GPC6: variants seen among roughly 807,000 people sequenced by gnomAD.
The protein encoded by GPC6 is glypican-6.
In GPC6, 14 loss-of-function variants were observed where a neutral mutation model predicts 55.2. That is an observed-to-expected ratio of 0.25 (90% confidence interval 0.17 to 0.40). The LOEUF (loss-of-function observed/expected upper bound fraction) is 0.40, where lower values mean the gene tolerates loss of function less well. Among genes scored for constraint, GPC6 ranks in the 10% least tolerant of loss-of-function variants. GPC6 has a pLI of 1.00. For missense variants in GPC6, 641 were observed against 708.5 expected, an observed-to-expected ratio of 0.90 and a Z score of 1.08; for synonymous variants, 278 against 259.6, an observed-to-expected ratio of 1.07 and a Z score of -0.68.
chr13:93,751,483 C>G (rs1594426030), intron 2 of GPC6, among the ~76,000 whole-genome samples: 2 of 150,796 alleles, frequency 1.3e-5, no homozygotes, highest in South Asian at 4.2e-4. Flanking sequence ...GGCTATAAGT[C>G]CTTTTTACTT....
chr13:93,916,448 T>G (rs1300478883), intron 3 of GPC6, among the ~76,000 whole-genome samples: 1 of 152,148 alleles, frequency 6.6e-6, no homozygotes, highest in Admixed American at 6.5e-5. Context: ...CCTTCGGATG[T>G]CTTTCTCAAG....
intron 1 of GPC6, among the ~76,000 whole-genome samples, chr13:93,365,272 G>T (rs967834193): frequency 6.6e-6 from 1 of 151,946 alleles, no homozygotes; most frequent in African/African-American, 2.4e-5. Flanking sequence ...TCTCTTCCTG[G>T]CAGTGGAACT....
chr13:93,531,372 T>C (rs1245907645), intron 1 of GPC6, among the ~76,000 whole-genome samples: 1 of 152,112 alleles, frequency 6.6e-6, no homozygotes, highest in South Asian at 2.1e-4. Flanking sequence ...AAGTCTGAAA[T>C]CTGCAGGGCA....
chr13:93,242,040 G>A (rs151013309), intron 1 of GPC6, among the ~76,000 whole-genome samples: 38 of 152,172 alleles, frequency 2.5e-4, no homozygotes, highest in Non-Finnish European at 1.0e-4. Context: ...GAATGGCAGA[G>A]GTCTCCTGAA....
chr13:93,591,306 A>G (rs888052592), intron 2 of GPC6, among the ~76,000 whole-genome samples: 17 of 152,012 alleles, frequency 1.1e-4, no homozygotes, highest in African/African-American at 4.1e-4. Flanking sequence ...TACTAAAAAT[A>G]CAAAAAAATT....
intron 3 of GPC6, among the ~76,000 whole-genome samples, chr13:93,845,178 G>C (rs1191995873): frequency 6.6e-6 from 1 of 152,012 alleles, no homozygotes; most frequent in Non-Finnish European, 1.5e-5. Context: ...CCAACTCTGT[G>C]AACAGACACT....
Position 94,001,692 on chromosome 13 carries a change from C to G in GPC6, c.712-26037C>G, listed in dbSNP as rs566632263. 1.4e-3 allele frequency among the ~76,000 whole-genome samples: 220 copies of G among 152,234 alleles called. 1 individual carries two copies. Among genetic ancestry groups the G allele is most frequent in the African/African-American group, 5.1e-3 (210 of 41,552 alleles). The stretch of plus-strand genomic sequence containing the variant: ...AATAGATTGGTGAATTCACAAGTAA[C>G]ATGTTACATACGTGAATGAAAATAC... On this transcript the variant is annotated intron_variant, in intron 3 of 8. Coordinates refer to ENST00000377047, the MANE Select transcript of GPC6 (RefSeq NM_005708.5).
chr13:93,418,724 C>T (rs940713853), intron 1 of GPC6, among the ~76,000 whole-genome samples: 3 of 149,004 alleles, frequency 2.0e-5, no homozygotes, highest in East Asian at 2.0e-4. Context: ...AGCACTATAC[C>T]GTAGTGTCAT....
At chr13:94,140,744 C>G (rs960163608) in intron 4 of GPC6, among the ~76,000 whole-genome samples, 1 of 152,060 alleles carries the variant, frequency 6.6e-6, no homozygotes, top group African/African-American at 2.4e-5. Flanking sequence ...TAGAATTAGG[C>G]AGAACTCCAA....
At chr13:93,950,891 TG>T (rs756506697) in intron 3 of GPC6, among the ~76,000 whole-genome samples, 9 of 152,222 alleles carry the variant, frequency 5.9e-5, no homozygotes, top group Middle Eastern at 3.4e-3. Context: ...CCATGGTGAC[TG>T]GGAAGAGTTA....
chr13:93,416,530 AT>A (rs1374704744), intron 1 of GPC6, among the ~76,000 whole-genome samples: 16 of 152,160 alleles, frequency 1.1e-4, no homozygotes, highest in Admixed American at 2.0e-4. Context: ...AGCCTTGATC[AT>A]TTGTGTTAGC....
At chr13:93,896,032 C>T (rs545332228) in intron 3 of GPC6, among the ~76,000 whole-genome samples, 1 of 151,998 alleles carries the variant, frequency 6.6e-6, no homozygotes, top group African/African-American at 2.4e-5. Flanking sequence ...AAAATAACTA[C>T]AGGCATAGAA....
intron 1 of GPC6, among the ~76,000 whole-genome samples, chr13:93,450,933 G>T (rs150861361): frequency 1.3e-5 from 2 of 152,302 alleles, no homozygotes; most frequent in African/African-American, 4.8e-5. Flanking sequence ...AGTCCAGTAA[G>T]CCTGAAGGCA....
At chr13:94,269,625 A>G (rs1407739254) in intron 4 of GPC6, among the ~76,000 whole-genome samples, 1 of 151,900 alleles carries the variant, frequency 6.6e-6, no homozygotes, top group Non-Finnish European at 1.5e-5. Context: ...TATAGCTTTC[A>G]TTTGTCTCGA....
intron 1 of GPC6, 86 bp from the exon 2 acceptor site, chr13:93,545,177 T>C (rs1294997696): frequency 4.2e-6 from 5 of 1,176,908 alleles, no homozygotes; most frequent in East Asian, 2.4e-5. Context: ...ACCCTGAGAT[T>C]TGAGCAAAGT....
intron 4 of GPC6, among the ~76,000 whole-genome samples, chr13:94,202,351 T>C (rs896839735): frequency 2.6e-5 from 4 of 152,166 alleles, no homozygotes; most frequent in African/African-American, 9.7e-5. Context: ...GGGTTATTTA[T>C]AAAGAAAAAG....
At chr13:93,629,185 C>G (rs1366973202) in intron 2 of GPC6, among the ~76,000 whole-genome samples, 1 of 152,150 alleles carries the variant, frequency 6.6e-6, no homozygotes, top group African/African-American at 2.4e-5. Flanking sequence ...AGGTTAAACA[C>G]ACAGTCTGTT....
At chr13:94,060,616 G>A (rs1314726192) in intron 4 of GPC6, among the ~76,000 whole-genome samples, 1 of 152,150 alleles carries the variant, frequency 6.6e-6, no homozygotes, top group Non-Finnish European at 1.5e-5. Flanking sequence ...ACATTCCATT[G>A]TGTTCGAGCT....
At chr13:93,454,925 T>C (rs975464057) in intron 1 of GPC6, among the ~76,000 whole-genome samples, 1 of 152,248 alleles carries the variant, frequency 6.6e-6, no homozygotes, top group Non-Finnish European at 1.5e-5. Context: ...TCCCGAGCCC[T>C]GTCCCGCAGG....
Sources: allele counts gnomAD v4.1 joint callset (sites outside exome capture counted in the v4.1 genomes callset), GRCh38; gene constraint gnomAD v4.1.1; transcripts MANE v1.5; gene names NCBI Gene and HGNC (gene_info 2026-07-23, HGNC 2026-07-21).